TGFBR3: variants seen among roughly 807,000 people sequenced by gnomAD.
TGFBR3 encodes transforming growth factor beta receptor type 3.
Under a neutral mutation model 87.9 loss-of-function variants are expected in TGFBR3, and 46 were observed. That is an observed-to-expected ratio of 0.52 (90% CI 0.41 to 0.67). The LOEUF is 0.67. TGFBR3 is among the 30% of genes least tolerant of loss of function. The pLI is 0.00. For missense variants in TGFBR3, 866 were observed against 1,041.9 expected, an observed-to-expected ratio of 0.83 and a Z score of 2.32; for synonymous variants, 381 against 391.6, an observed-to-expected ratio of 0.97 and a Z score of 0.32.
At chr1:91,742,334 C>G (rs560131286) in intron 4 of TGFBR3, among the ~76,000 whole-genome samples, 6 of 152,198 alleles carry the variant, frequency 3.9e-5, no homozygotes, top group Non-Finnish European at 8.8e-5. Flanking sequence ...ATCCCTTGGG[C>G]CTGGCATAGT....
intron 10 of TGFBR3, among the ~76,000 whole-genome samples, chr1:91,718,093 C>T (rs1672239433): frequency 1.3e-5 from 2 of 152,048 alleles, no homozygotes; most frequent in Admixed American, 6.6e-5. Flanking sequence ...AGGAGATTAG[C>T]AGGGCCTAGC....
Position 91,714,247 on chromosome 1 carries a change from A to G in TGFBR3, c.1867-1705T>C, listed in dbSNP as rs536145616. The stretch of plus-strand genomic sequence containing the variant: ...CATAATTGTGAAAACTAGCAAAGTA[A>G]AAGTTACATGCAAACAACACAGTTC... On this transcript the variant is annotated intron_variant, in intron 12 of 16. Transcript: ENST00000212355. 7.0e-4 allele frequency among the ~76,000 whole-genome samples: 107 copies of G among 152,262 alleles called. No homozygotes were observed. The South Asian group carries it at 7.2e-3, about 10-fold the overall frequency.
At chr1:91,818,832 T>C (rs1676341553) in intron 2 of TGFBR3, among the ~76,000 whole-genome samples, 2 of 152,236 alleles carry the variant, frequency 1.3e-5, no homozygotes, top group Non-Finnish European at 2.9e-5. Context: ...TTACAAGTTT[T>C]AGAGTTTTGC....
At chr1:91,775,377 C>A (rs1674531250) in intron 3 of TGFBR3, among the ~76,000 whole-genome samples, 1 of 152,218 alleles carries the variant, frequency 6.6e-6, no homozygotes, top group Non-Finnish European at 1.5e-5. Flanking sequence ...ATACTGGCCC[C>A]TCTCTCATCT....
chr1:91,781,807 C>A (rs184145659), intron 3 of TGFBR3, among the ~76,000 whole-genome samples: 3 of 152,040 alleles, frequency 2.0e-5, no homozygotes, highest in African/African-American at 7.2e-5. Flanking sequence ...ATAGGCTGGC[C>A]TTTTTATTTT....
At chr1:91,826,830 A>G (rs1234209293) in intron 2 of TGFBR3, among the ~76,000 whole-genome samples, 1 of 151,496 alleles carries the variant, frequency 6.6e-6, no homozygotes, top group Non-Finnish European at 1.5e-5. Flanking sequence ...GGGGGCCAGG[A>G]GTTCCACGGG....
chr1:91,813,941 A>G (rs1470445129), intron 2 of TGFBR3, among the ~76,000 whole-genome samples: 12 of 152,058 alleles, frequency 7.9e-5, no homozygotes, highest in Admixed American at 7.9e-4. Context: ...CAGGGTTCAC[A>G]CTCCTATAAA....
intron 3 of TGFBR3, among the ~76,000 whole-genome samples, chr1:91,772,682 C>T (rs1173652192): frequency 2.0e-5 from 3 of 152,144 alleles, no homozygotes; most frequent in Non-Finnish European, 4.4e-5. Flanking sequence ...AAGAAATGAG[C>T]TGAATTAAGC....
At chr1:91,854,714 T>C (rs1319840538) in intron 2 of TGFBR3, among the ~76,000 whole-genome samples, 2 of 152,114 alleles carry the variant, frequency 1.3e-5, no homozygotes, top group African/African-American at 4.8e-5. Flanking sequence ...ACACCATAAA[T>C]ATATACAATT....
chr1:91,832,761 G>T (rs1375393760), intron 2 of TGFBR3, among the ~76,000 whole-genome samples: 1 of 152,164 alleles, frequency 6.6e-6, no homozygotes, highest in African/African-American at 2.4e-5. Flanking sequence ...CCAGCACTTT[G>T]GGAGGCCGAG....
chr1:91,875,395 A>C (rs1678743148), intron 1 of TGFBR3, among the ~76,000 whole-genome samples: 1 of 152,138 alleles, frequency 6.6e-6, no homozygotes. Context: ...AAATCTACAG[A>C]ACAACCAGAT....
At chr1:91,726,498 A>G (rs1672554296) in intron 7 of TGFBR3, among the ~76,000 whole-genome samples, 1 of 150,648 alleles carries the variant, frequency 6.6e-6, no homozygotes, top group Admixed American at 6.6e-5. Context: ...ATTACATATG[A>G]TGGCTCACTG....
At chr1:91,695,101 G>A (rs1232482010) in intron 16 of TGFBR3, among the ~76,000 whole-genome samples, 2 of 126,734 alleles carry the variant, frequency 1.6e-5, no homozygotes, top group African/African-American at 5.7e-5. Context: ...GAAGTGCTCT[G>A]TTTCATCACT....
intron 2 of TGFBR3, among the ~76,000 whole-genome samples, chr1:91,817,880 G>GA (rs5776119): frequency 0.12 from 17,196 of 139,014 alleles, 1,361 homozygotes; most frequent in East Asian, 0.35. Flanking sequence ...ACTGATAACA[G>GA]AAAAAAAAAA....
intron 2 of TGFBR3, among the ~76,000 whole-genome samples, chr1:91,843,659 G>A (rs932409097): frequency 1.3e-5 from 2 of 152,110 alleles, no homozygotes; most frequent in South Asian, 4.1e-4. Flanking sequence ...ACTGAGACAG[G>A]AACTACTGAT....
chr1:91,701,310 C>T (rs972226854), intron 14 of TGFBR3, among the ~76,000 whole-genome samples: 2 of 152,012 alleles, frequency 1.3e-5, no homozygotes, highest in Admixed American at 6.6e-5. Context: ...ATTCTATCCT[C>T]GAACTTTTCT....
chr1:91,898,221 C>T (rs1163368266), intron 2 of TGFBR3, among the ~76,000 whole-genome samples: 1 of 152,066 alleles, frequency 6.6e-6, no homozygotes, highest in Non-Finnish European at 1.5e-5. Flanking sequence ...AGAGTGTATC[C>T]TTCCAGTGTG....
At chr1:91,699,227 T>G (rs1258504145) in intron 14 of TGFBR3, among the ~76,000 whole-genome samples, 3 of 152,144 alleles carry the variant, frequency 2.0e-5, no homozygotes, top group South Asian at 2.1e-4. Context: ...TTTGTCATCA[T>G]GCTTTGCAAG....
chr1:91,879,709 G>A (rs1427055748), intron 1 of TGFBR3, among the ~76,000 whole-genome samples: 1 of 152,200 alleles, frequency 6.6e-6, no homozygotes, highest in Non-Finnish European at 1.5e-5. Context: ...GAGGAAGAAT[G>A]CTTGGAAATT....
Sources: allele counts gnomAD v4.1 joint callset (sites outside exome capture counted in the v4.1 genomes callset), GRCh38; gene constraint gnomAD v4.1.1; transcripts MANE v1.5; gene names NCBI Gene and HGNC (gene_info 2026-07-23, HGNC 2026-07-21).